Variants in NCEH1 observed in about 807,000 individuals in gnomAD.
NCEH1 encodes 2-acetyl MAGE hydrolase.
A neutral mutation model predicts 25.4 loss-of-function variants in NCEH1; 9 were observed. That is an observed-to-expected ratio of 0.35 (90% CI 0.21 to 0.62). The LOEUF is 0.62. NCEH1 is among the 20% of genes least tolerant of loss of function. The pLI is 0.72. For synonymous variants in NCEH1, 200 were observed against 199.8 expected, an observed-to-expected ratio of 1.00 and a Z score of -0.01; for missense variants, 412 against 501.1, an observed-to-expected ratio of 0.82 and a Z score of 1.70.
chr3:172,674,656 T>A (rs1467629591), intron 1 of NCEH1, among the ~76,000 whole-genome samples: 1 of 152,206 alleles, frequency 6.6e-6, no homozygotes, highest in Non-Finnish European at 1.5e-5. Flanking sequence ...AAATGTTATA[T>A]CTTGGCAAGT....
At position 172,659,034 on chromosome 3, in the gene NCEH1, G is replaced by T. The variant is rs547803175; in HGVS notation, c.139-10920C>A. On this transcript the variant is annotated intron_variant, in intron 1 of 4. Transcript: ENST00000475381. Reference sequence around the variant, plus strand: ...ATTGTCAAGGAATCTCAGACCACGGGGGGTCAGTGAATCACCCAAGGTCAC... The same window carrying T: ...ATTGTCAAGGAATCTCAGACCACGGTGGGTCAGTGAATCACCCAAGGTCAC... Among the ~76,000 whole-genome samples, 13 of 151,926 alleles carry T rather than the reference G, an allele frequency of 8.6e-5. No individual in the cohort carries two copies. The South Asian group carries it at 2.5e-3, about 29-fold the overall frequency.
At chr3:172,678,195 G>A (rs571604693) in intron 1 of NCEH1, among the ~76,000 whole-genome samples, 33 of 152,302 alleles carry the variant, frequency 2.2e-4, no homozygotes, top group Middle Eastern at 3.4e-3. Context: ...CTGCTGGGCT[G>A]GTTAGCAGGA....
At chr3:172,651,222 T>C (rs973953056) in intron 1 of NCEH1, among the ~76,000 whole-genome samples, 2 of 152,060 alleles carry the variant, frequency 1.3e-5, no homozygotes, top group Non-Finnish European at 2.9e-5. Flanking sequence ...TCTAAAACCT[T>C]GAGGGGCTGC....
intron 1 of NCEH1, among the ~76,000 whole-genome samples, chr3:172,690,035 C>G (rs192270523): frequency 1.6e-3 from 250 of 151,728 alleles, no homozygotes; most frequent in African/African-American, 5.6e-3. Context: ...TCCCAAGTAG[C>G]TGGGACTACA....
chr3:172,653,653 T>A (rs1717518597), intron 1 of NCEH1, among the ~76,000 whole-genome samples: 1 of 152,154 alleles, frequency 6.6e-6, no homozygotes, highest in Admixed American at 6.5e-5. Flanking sequence ...TGTCCCATCA[T>A]AGGTATGGCT....
In NCEH1 at chr3:172,647,933, C is replaced by G; in HGVS notation, c.320G>C (p.Arg107Pro). 1 of 1,614,190 alleles carries G rather than the reference C, an allele frequency of 6.2e-7. No homozygotes were observed. Among genetic ancestry groups the G allele is most frequent in the Admixed American group, 1.7e-5 (1 of 60,022 alleles). Reference protein sequence around the residue: ...GPPKPEEPLKRSVVYIHGGGW... With the variant: ...GPPKPEEPLKPSVVYIHGGGW... ...TCCTCCGTGGATATAAACGACGCTGCGTTTCAGTGGCTCTTCGGGCTTCGG... is the reference window on the plus strand; with the variant it reads ...TCCTCCGTGGATATAAACGACGCTGGGTTTCAGTGGCTCTTCGGGCTTCGG... The change falls in exon 2 of 5, where the codon CGC (arginine) becomes CCC (proline). Residue 107 changes from arginine to proline, a missense_variant. By Grantham distance (103) the Arg-to-Pro change is moderately radical. This residue lies in a region of NCEH1 where 178 missense variants were observed against 189.2 expected (regional missense o/e 0.94). Coordinates refer to ENST00000475381, the MANE Select transcript of NCEH1 (RefSeq NM_020792.6).
intron 1 of NCEH1, among the ~76,000 whole-genome samples, chr3:172,674,333 C>A: frequency 6.6e-6 from 1 of 151,624 alleles, no homozygotes; most frequent in East Asian, 1.9e-4. Flanking sequence ...ATCCCAGCTA[C>A]TCAGGAGGCT....
chr3:172,635,073 A>T (rs1308875874), intron 4 of NCEH1, among the ~76,000 whole-genome samples: 1 of 152,234 alleles, frequency 6.6e-6, no homozygotes, highest in Non-Finnish European at 1.5e-5. Flanking sequence ...AGGGCCCCGC[A>T]GCACTCAACG....
chr3:172,640,908 C>T (rs1716819224), intron 3 of NCEH1, among the ~76,000 whole-genome samples: 1 of 152,166 alleles, frequency 6.6e-6, no homozygotes, highest in South Asian at 2.1e-4. Context: ...CACAAGCAAT[C>T]CTCTCACCTC....
At chr3:172,691,908 C>G (rs1351225062) in intron 1 of NCEH1, among the ~76,000 whole-genome samples, 1 of 7,402 alleles carries the variant, frequency 1.4e-4, no homozygotes, top group Admixed American at 2.3e-3. Context: ...GATCGTGCCA[C>G]TGCACTCCAG....
intron 1 of NCEH1, among the ~76,000 whole-genome samples, chr3:172,668,445 C>T (rs929937758): frequency 4.7e-5 from 7 of 150,176 alleles, no homozygotes; most frequent in African/African-American, 1.7e-4. Flanking sequence ...AGCTCCGCCT[C>T]CCAGGTTCAA....
At chr3:172,700,772 TGATCATAC>T (rs551670583) in intron 1 of NCEH1, among the ~76,000 whole-genome samples, 12 of 152,154 alleles carry the variant, frequency 7.9e-5, no homozygotes, top group Non-Finnish European at 1.8e-4. Flanking sequence ...TGCCTGGCCC[TGATCATAC>T]GATCTTGATG....
chr3:172,659,210 T>C lies in NCEH1; in HGVS notation c.139-11096A>G, dbSNP rs200801806. ...GTTATAGAGAAAGACAAAAACCTTC[T>C]TGGAAGGCTGGGAGGTTTTGCAAAA... On this transcript the variant is annotated intron_variant, in intron 1 of 4. Transcript: ENST00000475381. Among the ~76,000 whole-genome samples the C allele has an allele frequency of 4.6e-5, 7 of 152,238 alleles. No individual in the cohort carries two copies. In the East Asian group the frequency reaches 1.4e-3, roughly 29 times the overall value.
chr3:172,697,461 T>C (rs777847821), intron 1 of NCEH1, among the ~76,000 whole-genome samples: 1 of 152,158 alleles, frequency 6.6e-6, no homozygotes, highest in Non-Finnish European at 1.5e-5. Flanking sequence ...GGGTGTTTCA[T>C]CTATAGAATC....
chr3:172,642,950 T>C (rs1264118819), intron 3 of NCEH1, among the ~76,000 whole-genome samples: 3 of 150,500 alleles, frequency 2.0e-5, no homozygotes, highest in Non-Finnish European at 4.4e-5. Flanking sequence ...TGTTTGTTTG[T>C]TTTTTGAGAC....
intron 1 of NCEH1, among the ~76,000 whole-genome samples, chr3:172,693,443 T>TAAAAAA: frequency 6.7e-6 from 1 of 149,856 alleles, no homozygotes. Flanking sequence ...TTGCCAATCT[T>TAAAAAA]CTAAAGCCTG....
chr3:172,654,680 C>T (rs560549549), intron 1 of NCEH1, among the ~76,000 whole-genome samples: 7 of 152,276 alleles, frequency 4.6e-5, no homozygotes, highest in South Asian at 4.1e-4. Context: ...TCAATGACTT[C>T]GCATCTGGTC....
At chr3:172,658,973 T>C (rs976526760) in intron 1 of NCEH1, among the ~76,000 whole-genome samples, 2 of 151,046 alleles carry the variant, frequency 1.3e-5, no homozygotes, top group Admixed American at 1.3e-4. Flanking sequence ...GTAGCTCACG[T>C]GTGCTGACGT....
chr3:172,633,784 G>C lies in NCEH1; in HGVS notation c.918C>G (p.Thr306=). 1 of 1,614,150 alleles carries C rather than the reference G, an allele frequency of 6.2e-7. No homozygotes were observed. Among genetic ancestry groups the C allele is most frequent in the Non-Finnish European group, 8.5e-7 (1 of 1,179,962 alleles). ...CCTGGACAATCCTGGCATTGCCTGT[G>C]GTCTGTACAACAGGCTTGTAGTTCT... ...FTKNYKPVVQ[T]TGNARIVQEL... Residue 306 remains threonine, a synonymous_variant, in exon 5 of 5, where the codon ACC becomes ACG. Transcript: ENST00000475381.
Sources: allele counts gnomAD v4.1 joint callset (sites outside exome capture counted in the v4.1 genomes callset), GRCh38; gene constraint gnomAD v4.1.1; regional missense constraint gnomAD v4.1.1; transcripts MANE v1.5; gene names NCBI Gene and HGNC (gene_info 2026-07-23, HGNC 2026-07-21).